Variants in SOX30 observed in about 807,000 individuals in gnomAD.
SOX30 encodes the protein SRY-box transcription factor 30.
In SOX30, 17 loss-of-function variants were observed where a neutral mutation model predicts 58.6. The ratio of observed to expected loss-of-function variants is 0.29; its 90% CI spans 0.20 to 0.44. SOX30 has a LOEUF of 0.44. Among genes scored for constraint, SOX30 ranks in the 20% least tolerant of loss-of-function variants. SOX30 has a pLI of 1.00. For synonymous variants in SOX30, 421 were observed against 400.2 expected (o/e 1.05, Z -0.62); for missense variants, 951 against 965.8 (o/e 0.98, Z 0.20).
intron 3 of SOX30, among the ~76,000 whole-genome samples, chr5:157,639,286 A>G (rs1456289495): frequency 6.6e-6 from 1 of 152,134 alleles, no homozygotes; most frequent in African/African-American, 2.4e-5. Flanking sequence ...GTTTACCTAA[A>G]TATATTAATC....
At chr5:157,655,180 G>T (rs986199437), upstream of SOX30, among the ~76,000 whole-genome samples, 1 of 152,142 alleles carries the variant, frequency 6.6e-6, no homozygotes, top group African/African-American at 2.4e-5. Context: ...CTATGGAATG[G>T]ACTGCAGTAT....
At chr5:157,645,084 A>G (rs1014484065) in intron 3 of SOX30, among the ~76,000 whole-genome samples, 1 of 152,208 alleles carries the variant, frequency 6.6e-6, no homozygotes, top group African/African-American at 2.4e-5. Context: ...CCAAACAGTG[A>G]AGACTGAGAG....
chr5:157,670,047 T>C (rs1164641265), intron 1 of SOX30, among the ~76,000 whole-genome samples: 1 of 152,188 alleles, frequency 6.6e-6, no homozygotes. Context: ...GCCTAAATGC[T>C]AAGGGATGTT....
intron 3 of SOX30, among the ~76,000 whole-genome samples, chr5:157,644,693 T>C (rs1323911291): frequency 1.3e-5 from 2 of 152,134 alleles, no homozygotes; most frequent in Non-Finnish European, 2.9e-5. Flanking sequence ...AATCATAACA[T>C]AACACAGGCT....
Position 157,646,630 on chromosome 5 carries a change from A to G in SOX30, c.1387+7T>C, listed in dbSNP as rs1462164760. Reference sequence around the variant, plus strand: ...AAAAATAGTAATCTACAATAAAACTAACTCACCAACTGGATGAGTGATGGG... The same window carrying G: ...AAAAATAGTAATCTACAATAAAACTGACTCACCAACTGGATGAGTGATGGG... On this transcript the variant is annotated splice_region_variant and intron_variant, in intron 3 of 4. Transcript: ENST00000265007. 1.3e-6 allele frequency: 2 copies of G among 1,585,768 alleles called. No individual in the cohort carries two copies. The highest frequency in any genetic ancestry group is 1.7e-6 in the Non-Finnish European group (2 of 1,167,044).
chr5:157,626,404 A>G lies in SOX30; in HGVS notation c.2198T>C (p.Ile733Thr). The G allele has an allele frequency of 6.2e-7, 1 of 1,614,050 alleles. No homozygotes were observed. The highest frequency in any genetic ancestry group is 8.5e-7 in the Non-Finnish European group (1 of 1,179,980). ...ACTGTCGGTGACATTGACTTGCTGG[A>G]TGCTAGAAGGAGTTGATGTCGGGGC... ...FTAPTSTPSS[I>T]QQVNVTDSDE... The change falls in exon 5 of 5, where the codon ATC (isoleucine) becomes ACC (threonine). Residue 733 changes from isoleucine (I) to threonine (T), a missense_variant. Coordinates refer to ENST00000265007, the MANE Select transcript of SOX30 (RefSeq NM_178424.2).
chr5:157,638,755 T>C, intron 3 of SOX30, 33 bp from the exon 4 acceptor site: 1 of 1,547,876 alleles, frequency 6.5e-7, no homozygotes, highest in Non-Finnish European at 8.7e-7. Flanking sequence ...AATCAAGAAT[T>C]AACTGAGTCA....
rs757035748 is a variant in SOX30 at position 157,651,798 on chromosome 5, G to A, written c.281C>T (p.Ser94Leu). 41 of 1,579,304 alleles carry A rather than the reference G, an allele frequency of 2.6e-5. No individual in the cohort carries two copies. Among genetic ancestry groups the A allele is most frequent in the Non-Finnish European group, 3.4e-5 (40 of 1,166,418 alleles). Residue 94 changes from serine to leucine, a missense_variant, in exon 1 of 5, where the codon TCG becomes TTG. This residue lies in a region of SOX30 where 363 missense variants were observed against 294.5 expected (regional missense o/e 1.23). Transcript: ENST00000265007. ...CTGCAACAGCCGCGCCTGCGCGGAC[G>A]AGGCAGCGGCTTCCTCGTTCTGGGC... is the stretch of plus-strand genomic sequence containing the variant. ...PQAQNEEAAA[S>L]SAQARLLQFR...
At chr5:157,662,934 C>T (rs1759603001) in intron 2 of SOX30, among the ~76,000 whole-genome samples, 1 of 152,054 alleles carries the variant, frequency 6.6e-6, no homozygotes, top group Non-Finnish European at 1.5e-5. Context: ...CTGAATAGAC[C>T]AATAACAGGC....
At chr5:157,639,013 C>A (rs1196478363) in intron 3 of SOX30, among the ~76,000 whole-genome samples, 3 of 152,172 alleles carry the variant, frequency 2.0e-5, no homozygotes, top group Non-Finnish European at 4.4e-5. Context: ...CAGGGTGAAA[C>A]ATTCTGTCTG....
intron 1 of SOX30, among the ~76,000 whole-genome samples, chr5:157,668,122 T>C (rs750211334): frequency 3.9e-5 from 6 of 152,258 alleles, no homozygotes; most frequent in Non-Finnish European, 7.3e-5. Context: ...TCAGCCATTA[T>C]TGGCCAAAGG....
In SOX30 at chr5:157,643,698, A is replaced by G. The variant is rs556194998; in HGVS notation, c.1387+2939T>C. 1.8e-3 allele frequency among the ~76,000 whole-genome samples: 274 copies of G among 152,308 alleles called. 1 individual carries two copies. The highest frequency in any genetic ancestry group is 5.6e-3 in the South Asian group (27 of 4,826). On this transcript the variant is annotated intron_variant, in intron 3 of 4. Transcript: ENST00000265007. ...ATTGTTTTTATATGAGAAAAATCAT[A>G]TACCTCACTATCTTGATATCTTTCT...
At chr5:157,666,439 G>A (rs918688735) in intron 2 of SOX30, among the ~76,000 whole-genome samples, 15 of 150,542 alleles carry the variant, frequency 1.0e-4, no homozygotes, top group African/African-American at 3.7e-4. Context: ...GGATTGGTGT[G>A]AGCCACTATG....
At chr5:157,654,185 T>C (rs1759425496), upstream of SOX30, among the ~76,000 whole-genome samples, 1 of 151,304 alleles carries the variant, frequency 6.6e-6, no homozygotes, top group Non-Finnish European at 1.5e-5. Flanking sequence ...AAAAAAACTA[T>C]TGAAGATCCC....
At chr5:157,635,380 T>C (rs1214157981) in intron 4 of SOX30, among the ~76,000 whole-genome samples, 1 of 152,180 alleles carries the variant, frequency 6.6e-6, no homozygotes, top group Non-Finnish European at 1.5e-5. Context: ...TCCCAGTAGT[T>C]TGGGAGGCTG....
intron 3 of SOX30, among the ~76,000 whole-genome samples, chr5:157,645,910 G>C (rs1184793119): frequency 6.6e-6 from 1 of 151,662 alleles, no homozygotes; most frequent in Admixed American, 6.6e-5. Context: ...ATCCCAGCTA[G>C]TCGGGAGGCT....
chr5:157,651,490 G>C lies in SOX30; in HGVS notation c.589C>G (p.Gln197Glu), dbSNP rs755816365. 10 of 1,613,438 alleles carry C rather than the reference G, an allele frequency of 6.2e-6. No homozygotes were observed. The East Asian group carries it at 1.8e-4, about 29-fold the overall frequency. Residue 197 changes from glutamine (Q) to glutamate (E), a missense_variant, in exon 1 of 5, where the codon CAA (glutamine) becomes GAA (glutamate). Coordinates refer to ENST00000265007, the MANE Select transcript of SOX30 (RefSeq NM_178424.2). ...EAEEVMRDSM[Q>E]GGAGKSPAAI... is the part of the protein sequence containing the mutation. Reference sequence around the variant, plus strand: ...GCCGGGCTTTTGCCTGCCCCGCCTTGCATCGAGTCTCTCATGACCTCCTCC... The same window carrying C: ...GCCGGGCTTTTGCCTGCCCCGCCTTCCATCGAGTCTCTCATGACCTCCTCC...
At chr5:157,633,216 G>GT (rs925378029) in intron 4 of SOX30, among the ~76,000 whole-genome samples, 1 of 152,090 alleles carries the variant, frequency 6.6e-6, no homozygotes, top group Non-Finnish European at 1.5e-5. Flanking sequence ...CAAGTTTAGG[G>GT]TTTTTTCTGT....
Position 157,646,825 on chromosome 5 carries a change from G to A in SOX30, c.1208-9C>T. 6.2e-7 allele frequency: 1 copy of A among 1,603,832 alleles called. No homozygotes were observed. Among genetic ancestry groups the A allele is most frequent in the Non-Finnish European group, 8.5e-7 (1 of 1,172,102 alleles). On this transcript the variant is annotated splice_polypyrimidine_tract_variant and intron_variant, in intron 2 of 4. Transcript: ENST00000265007. ...AGGCTGATAAACCCAACCTATAGAA[G>A]ACAAAATATGTTTAAATGTGTAGAC...
Sources: allele counts gnomAD v4.1 joint callset (sites outside exome capture counted in the v4.1 genomes callset), GRCh38; gene constraint gnomAD v4.1.1; regional missense constraint gnomAD v4.1.1; transcripts MANE v1.5; gene names NCBI Gene and HGNC (gene_info 2026-07-23, HGNC 2026-07-21).